CACNG3: variants seen among roughly 807,000 people sequenced by gnomAD.
CACNG3 encodes calcium voltage-gated channel auxiliary subunit gamma 3.
Under a neutral mutation model 28.5 loss-of-function variants are expected in CACNG3, and 3 were observed. That is an observed-to-expected ratio of 0.11 (90% CI 0.05 to 0.27). The LOEUF (loss-of-function observed/expected upper bound fraction) is 0.27, where lower values mean the gene tolerates loss of function less well. Ranked by LOEUF, CACNG3 falls within the 10% of genes least tolerant of loss-of-function variation. CACNG3 has a pLI of 1.00. For missense variants in CACNG3, 236 were observed against 414.4 expected, an observed-to-expected ratio of 0.57 and a Z score of 3.74; for synonymous variants, 174 against 162.2, an observed-to-expected ratio of 1.07 and a Z score of -0.55.
intron 1 of CACNG3, among the ~76,000 whole-genome samples, chr16:24,303,578 A>G (rs564983517): frequency 7.1e-6 from 1 of 140,110 alleles, no homozygotes; most frequent in African/African-American, 2.7e-5. Flanking sequence ...GCCTTGTTTT[A>G]TTCCCTTCAG....
At chr16:24,319,372 C>T (rs1028208825) in intron 1 of CACNG3, among the ~76,000 whole-genome samples, 1 of 152,140 alleles carries the variant, frequency 6.6e-6, no homozygotes, top group Non-Finnish European at 1.5e-5. Context: ...GGTGCCAGTT[C>T]GAGGTTGGAC....
At chr16:24,341,325 C>G (rs1899784373) in intron 1 of CACNG3, among the ~76,000 whole-genome samples, 1 of 152,208 alleles carries the variant, frequency 6.6e-6, no homozygotes, top group Non-Finnish European at 1.5e-5. Context: ...AGTGTGGAGT[C>G]TTCCTTGGGG....
intron 2 of CACNG3, among the ~76,000 whole-genome samples, chr16:24,353,904 G>C (rs1899993748): frequency 6.6e-6 from 1 of 152,150 alleles, no homozygotes; most frequent in Admixed American, 6.6e-5. Flanking sequence ...AAAATCCTGG[G>C]CTCTTAGGCC....
intron 1 of CACNG3, among the ~76,000 whole-genome samples, chr16:24,299,932 G>GCA (rs1015758964): frequency 1.3e-5 from 2 of 149,246 alleles, no homozygotes; most frequent in African/African-American, 5.0e-5. Context: ...ATGCACACAT[G>GCA]CACACGCACA....
At chr16:24,308,469 C>A (rs762344458) in intron 1 of CACNG3, among the ~76,000 whole-genome samples, 2 of 152,196 alleles carry the variant, frequency 1.3e-5, no homozygotes, top group Non-Finnish European at 2.9e-5. Flanking sequence ...ATTGCCTCTG[C>A]AAGCCGTCCT....
chr16:24,338,300 T>A (rs913038966), intron 1 of CACNG3, among the ~76,000 whole-genome samples: 16 of 152,086 alleles, frequency 1.1e-4, no homozygotes, highest in African/African-American at 3.9e-4. Context: ...AATGAAGAGT[T>A]GCTATCACAT....
At chr16:24,284,324 C>A (rs1351797801) in intron 1 of CACNG3, among the ~76,000 whole-genome samples, 1 of 152,060 alleles carries the variant, frequency 6.6e-6, no homozygotes, top group African/African-American at 2.4e-5. Flanking sequence ...TCATATAAAA[C>A]CCTCTGGGCC....
chr16:24,260,583 C>T (rs1179290503), intron 1 of CACNG3, among the ~76,000 whole-genome samples: 1 of 152,194 alleles, frequency 6.6e-6, no homozygotes. Flanking sequence ...TTAATTCATG[C>T]TTTGGTGGGT....
At chr16:24,344,916 A>G (rs1434088198) in intron 1 of CACNG3, among the ~76,000 whole-genome samples, 5 of 152,220 alleles carry the variant, frequency 3.3e-5, no homozygotes, top group African/African-American at 1.2e-4. Context: ...ACCTGGATCC[A>G]AAAATCAATT....
intron 1 of CACNG3, among the ~76,000 whole-genome samples, chr16:24,276,859 G>A (rs1324761976): frequency 2.0e-5 from 3 of 152,132 alleles, no homozygotes; most frequent in Non-Finnish European, 4.4e-5. Flanking sequence ...GTGAGATGAA[G>A]CAAAGTGCAA....
chr16:24,307,120 T>C (rs1211466374), intron 1 of CACNG3, among the ~76,000 whole-genome samples: 2 of 152,130 alleles, frequency 1.3e-5, no homozygotes, highest in South Asian at 2.1e-4. Context: ...CCAAATGCCA[T>C]CTTTGCTGTT....
At chr16:24,329,772 C>T (rs575130172) in intron 1 of CACNG3, among the ~76,000 whole-genome samples, 5 of 152,150 alleles carry the variant, frequency 3.3e-5, no homozygotes, top group Middle Eastern at 3.2e-3. Flanking sequence ...CAGTGGCTCA[C>T]GCCTGTAATC....
At chr16:24,286,356 T>C (rs1425758623) in intron 1 of CACNG3, among the ~76,000 whole-genome samples, 4 of 151,742 alleles carry the variant, frequency 2.6e-5, no homozygotes, top group South Asian at 2.1e-4. Context: ...TCCTAAAAGA[T>C]TGTAGCAAGG....
intron 1 of CACNG3, among the ~76,000 whole-genome samples, chr16:24,317,113 C>G (rs1364177396): frequency 6.6e-6 from 1 of 152,138 alleles, no homozygotes; most frequent in African/African-American, 2.4e-5. Flanking sequence ...ATCATTATTG[C>G]CCACACATCC....
chr16:24,277,946 C>T (rs897948903), intron 1 of CACNG3, among the ~76,000 whole-genome samples: 2 of 152,190 alleles, frequency 1.3e-5, no homozygotes, highest in Admixed American at 6.5e-5. Flanking sequence ...AACTCCTTGG[C>T]TCAAGTGATC....
intron 2 of CACNG3, among the ~76,000 whole-genome samples, chr16:24,354,473 G>A (rs190885448): frequency 1.2e-4 from 19 of 152,098 alleles, no homozygotes; most frequent in Non-Finnish European, 2.5e-4. Flanking sequence ...TTCCAGGGAG[G>A]CAGGGAGGTG....
At chr16:24,358,136 G>A (rs536334347) in intron 3 of CACNG3, among the ~76,000 whole-genome samples, 1 of 152,326 alleles carries the variant, frequency 6.6e-6, no homozygotes, top group South Asian at 2.1e-4. Context: ...ATCATTTGAG[G>A]CAAGCAATTA....
intron 1 of CACNG3, among the ~76,000 whole-genome samples, chr16:24,283,553 A>G (rs1898857129): frequency 6.6e-6 from 1 of 152,264 alleles, no homozygotes; most frequent in Admixed American, 6.5e-5. Flanking sequence ...ATAATTATTT[A>G]TAAGCTGCTT....
chr16:24,297,710 A>G (rs1488422519), intron 1 of CACNG3, among the ~76,000 whole-genome samples: 1 of 152,230 alleles, frequency 6.6e-6, no homozygotes, highest in Non-Finnish European at 1.5e-5. Flanking sequence ...ATCTAAGAAC[A>G]GAAGCATAAG....
Sources: gnomAD v4.1 joint callset for allele counts (sites outside exome capture counted in the v4.1 genomes callset) on GRCh38, gnomAD v4.1.1 for gene constraint, MANE v1.5 for transcripts, NCBI Gene and HGNC (gene_info 2026-07-23, HGNC 2026-07-21) for gene names.